Variants in PRKACB observed in about 807,000 individuals in gnomAD.
PRKACB encodes protein kinase cAMP-activated catalytic subunit beta, also known as cAMP-dependent protein kinase catalytic subunit beta.
A neutral mutation model predicts 51.4 loss-of-function variants in PRKACB; 16 were observed. The observed-to-expected ratio is 0.31, with a 90% CI of 0.21 to 0.47. The LOEUF is 0.47. Among genes scored for constraint, PRKACB ranks in the 20% least tolerant of loss-of-function variants. The probability of loss-of-function intolerance (pLI) is 1.00; values close to 1 mark genes in which losing one functional copy is unlikely to be tolerated. For synonymous variants in PRKACB, 147 were observed against 154.4 expected, an observed-to-expected ratio of 0.95 and a Z score of 0.35; for missense variants, 309 against 464.5, an observed-to-expected ratio of 0.67 and a Z score of 3.08.
intron 1 of PRKACB, among the ~76,000 whole-genome samples, chr1:84,102,703 A>AG (rs1229983924): frequency 6.6e-6 from 1 of 152,220 alleles, no homozygotes; most frequent in Non-Finnish European, 1.5e-5. Context: ...GTGGAAAGGA[A>AG]GCAGGCTGAA....
intron 7 of PRKACB, among the ~76,000 whole-genome samples, chr1:84,201,015 C>A (rs1462660271): frequency 6.6e-6 from 1 of 151,964 alleles, no homozygotes; most frequent in Admixed American, 6.6e-5. Context: ...GATAAACATC[C>A]TTATACATAA....
intron 9 of PRKACB, among the ~76,000 whole-genome samples, chr1:84,225,302 G>A (rs1674404927): frequency 6.6e-6 from 1 of 152,214 alleles, no homozygotes; most frequent in Admixed American, 6.5e-5. Flanking sequence ...TGTTGTGGGG[G>A]CTGGGCATTG....
At chr1:84,173,222 T>C in intron 1 of PRKACB, 1 of 690,032 alleles carries the variant, frequency 1.4e-6, no homozygotes. Context: ...TGTTTTATCA[T>C]TCTATTTCTA....
chr1:84,215,644 C>G (rs1672773140), intron 9 of PRKACB, among the ~76,000 whole-genome samples: 1 of 152,028 alleles, frequency 6.6e-6, no homozygotes, highest in South Asian at 2.1e-4. Flanking sequence ...TTAAAAGAAA[C>G]TAGTATTTTG....
intron 1 of PRKACB, among the ~76,000 whole-genome samples, chr1:84,083,143 A>T (rs1647681084): frequency 6.6e-6 from 1 of 152,208 alleles, no homozygotes; most frequent in Non-Finnish European, 1.5e-5. Flanking sequence ...GTGATTTCTT[A>T]TACCTTACTT....
intron 1 of PRKACB, among the ~76,000 whole-genome samples, chr1:84,122,932 T>C (rs1022943781): frequency 1.1e-4 from 17 of 152,180 alleles, no homozygotes; most frequent in Non-Finnish European, 2.1e-4. Flanking sequence ...TTTAAGGTAA[T>C]GACAATAAAA....
intron 1 of PRKACB, among the ~76,000 whole-genome samples, chr1:84,103,581 C>T (rs2100816890): frequency 6.6e-6 from 1 of 152,302 alleles, no homozygotes; most frequent in Middle Eastern, 3.4e-3. Flanking sequence ...GACCTATGAC[C>T]TCATTTGGGC....
chr1:84,202,435 A>G (rs1670397040), intron 7 of PRKACB, among the ~76,000 whole-genome samples: 1 of 152,060 alleles, frequency 6.6e-6, no homozygotes, highest in South Asian at 2.1e-4. Context: ...TATTCTTAAT[A>G]ATTTTAGGAA....
intron 9 of PRKACB, among the ~76,000 whole-genome samples, chr1:84,232,327 A>T (rs2101705801): frequency 6.6e-6 from 1 of 151,844 alleles, no homozygotes; most frequent in Non-Finnish European, 1.5e-5. Flanking sequence ...TGCTGAGGAG[A>T]GCTTTACTTC....
At chr1:84,081,395 T>C (rs1397926629) in intron 1 of PRKACB, among the ~76,000 whole-genome samples, 2 of 152,184 alleles carry the variant, frequency 1.3e-5, no homozygotes, top group African/African-American at 4.8e-5. Context: ...TGTTCTGCTG[T>C]AGTGAATTAG....
intron 1 of PRKACB, among the ~76,000 whole-genome samples, chr1:84,114,882 G>A (rs116629559): frequency 0.011 from 1,703 of 152,178 alleles, 41 homozygotes; most frequent in African/African-American, 0.039. Context: ...TTTTTTTATG[G>A]CCAAGTAATA....
chr1:84,202,585 A>C, intron 7 of PRKACB, 98 bp from the exon 8 acceptor site: 2 of 1,327,054 alleles, frequency 1.5e-6, no homozygotes, highest in Non-Finnish European at 2.0e-6. Flanking sequence ...CTTTAAAAAA[A>C]TTTTTATATG....
At chr1:84,215,668 T>C (rs1236627182) in intron 9 of PRKACB, among the ~76,000 whole-genome samples, 2 of 152,152 alleles carry the variant, frequency 1.3e-5, no homozygotes, top group Non-Finnish European at 1.5e-5. Flanking sequence ...TGTTTTGTTT[T>C]TTGCTACACA....
intron 1 of PRKACB, among the ~76,000 whole-genome samples, chr1:84,122,159 C>G (rs1378250338): frequency 6.6e-6 from 1 of 152,100 alleles, no homozygotes; most frequent in Non-Finnish European, 1.5e-5. Context: ...ACAATTCTCT[C>G]CAGCACTCTT....
chr1:84,189,751 T>C (rs1418222343), intron 5 of PRKACB, among the ~76,000 whole-genome samples: 1 of 151,968 alleles, frequency 6.6e-6, no homozygotes, highest in African/African-American at 2.4e-5. Context: ...AATTGCACTT[T>C]GGAAGATGGC....
intron 1 of PRKACB, among the ~76,000 whole-genome samples, chr1:84,169,904 T>C (rs891785113): frequency 6.6e-6 from 1 of 151,546 alleles, no homozygotes; most frequent in Admixed American, 6.6e-5. Context: ...ATGAAGCTTG[T>C]CCTATAAAGA....
intron 1 of PRKACB, chr1:84,078,502 G>C: frequency 1.9e-6 from 2 of 1,030,412 alleles, no homozygotes; most frequent in Non-Finnish European, 2.8e-6. Flanking sequence ...GTCGTTCTGG[G>C]GGGCCGGGAG....
At chr1:84,224,440 C>T (rs750931620) in intron 9 of PRKACB, among the ~76,000 whole-genome samples, 3 of 152,206 alleles carry the variant, frequency 2.0e-5, no homozygotes, top group Non-Finnish European at 4.4e-5. Flanking sequence ...GTACACACTG[C>T]TGCTAGTGAT....
chr1:84,086,278 G>T, intron 1 of PRKACB: 1 of 1,306,746 alleles, frequency 7.7e-7, no homozygotes, highest in Non-Finnish European at 1.1e-6. Context: ...TGGGACCCCA[G>T]TAGAACTTGG....
Sources: allele counts gnomAD v4.1 joint callset (sites outside exome capture counted in the v4.1 genomes callset), GRCh38; gene constraint gnomAD v4.1.1; transcripts MANE v1.5; gene names NCBI Gene and HGNC (gene_info 2026-07-23, HGNC 2026-07-21).